EXOC6: variants seen among roughly 807,000 people sequenced by gnomAD.
EXOC6 encodes the protein exocyst complex component 6.
In EXOC6, 60 loss-of-function variants were observed where a neutral mutation model predicts 112.5. The ratio of observed to expected loss-of-function variants is 0.53; its 90% CI spans 0.43 to 0.66. The LOEUF (loss-of-function observed/expected upper bound fraction) is 0.66, where lower values mean the gene tolerates loss of function less well. EXOC6 is among the 30% of genes least tolerant of loss of function. The pLI, the probability that EXOC6 is intolerant of heterozygous loss-of-function variation, is 0.00. For missense variants in EXOC6, 855 were observed against 957.1 expected (o/e 0.89, Z 1.41); for synonymous variants, 295 against 308.0 (o/e 0.96, Z 0.44).
At chr10:92,856,861 A>G (rs1297277747) in intron 1 of EXOC6, among the ~76,000 whole-genome samples, 1 of 152,134 alleles carries the variant, frequency 6.6e-6, no homozygotes, top group African/African-American at 2.4e-5. Flanking sequence ...TTGATTGACC[A>G]TTTGCCGTCA....
intron 20 of EXOC6, among the ~76,000 whole-genome samples, chr10:93,023,448 T>C (rs1222715226): frequency 6.6e-6 from 1 of 152,246 alleles, no homozygotes; most frequent in Non-Finnish European, 1.5e-5. Context: ...TACTTGCTAA[T>C]GGAAGCCAGT....
intron 13 of EXOC6, among the ~76,000 whole-genome samples, chr10:92,942,014 G>A (rs1173821919): frequency 1.3e-5 from 2 of 152,122 alleles, no homozygotes; most frequent in Non-Finnish European, 2.9e-5. Context: ...TAAAATAAAA[G>A]TACGTTAGAT....
At chr10:92,946,137 A>C (rs527919774) in intron 13 of EXOC6, among the ~76,000 whole-genome samples, 63 of 152,110 alleles carry the variant, frequency 4.1e-4, no homozygotes, top group Middle Eastern at 3.4e-3. Context: ...AAAAAAACAA[A>C]AAAAAAAAAT....
chr10:92,919,535 AAAT>A (rs1482163429), intron 7 of EXOC6, among the ~76,000 whole-genome samples: 1 of 152,152 alleles, frequency 6.6e-6, no homozygotes, highest in Non-Finnish European at 1.5e-5. Context: ...GCAGTCTGTA[AAAT>A]AATACTGATA....
At chr10:92,989,146 G>A (rs766408791) in intron 18 of EXOC6, among the ~76,000 whole-genome samples, 5 of 152,028 alleles carry the variant, frequency 3.3e-5, no homozygotes, top group Non-Finnish European at 7.4e-5. Flanking sequence ...ATTCATCTTT[G>A]TATATTCGGT....
chr10:92,881,951 C>A (rs1014147527), intron 1 of EXOC6, among the ~76,000 whole-genome samples: 1 of 152,088 alleles, frequency 6.6e-6, no homozygotes, highest in African/African-American at 2.4e-5. Context: ...TGAGGCCTCC[C>A]AAGACATGTG....
intron 11 of EXOC6, 77 bp downstream of exon 11, chr10:92,934,507 A>C: frequency 2.4e-6 from 3 of 1,227,740 alleles, no homozygotes; most frequent in Non-Finnish European, 3.3e-6. Context: ...ATGTCAGAGG[A>C]AAACTGTACC....
intron 19 of EXOC6, among the ~76,000 whole-genome samples, chr10:93,000,093 C>A (rs1381312862): frequency 1.3e-5 from 2 of 152,142 alleles, no homozygotes; most frequent in Non-Finnish European, 1.5e-5. Flanking sequence ...TTACTATCTG[C>A]AGTTTCAGGC....
chr10:92,950,858 A>G (rs1253126422), intron 14 of EXOC6, among the ~76,000 whole-genome samples: 4 of 152,230 alleles, frequency 2.6e-5, no homozygotes, highest in Non-Finnish European at 5.9e-5. Context: ...GGTGGCAGGG[A>G]GACCACCTAG....
At chr10:92,895,989 G>A (rs1373339140) in intron 4 of EXOC6, among the ~76,000 whole-genome samples, 1 of 139,056 alleles carries the variant, frequency 7.2e-6, no homozygotes, top group East Asian at 2.0e-4. Flanking sequence ...ATGATGAGAT[G>A]TTTTATATTA....
At chr10:92,896,085 A>ATATATATGTG (rs1849751020) in intron 4 of EXOC6, among the ~76,000 whole-genome samples, 2 of 35,488 alleles carry the variant, frequency 5.6e-5, no homozygotes, top group Admixed American at 3.4e-4. Flanking sequence ...ATATATGTGT[A>ATATATATGTG]TATATATATG....
At chr10:92,986,987 G>A (rs182775815) in intron 18 of EXOC6, among the ~76,000 whole-genome samples, 2 of 152,210 alleles carry the variant, frequency 1.3e-5, no homozygotes, top group African/African-American at 4.8e-5. Flanking sequence ...AAATAATTTA[G>A]TGTGCCGTCT....
intron 20 of EXOC6, among the ~76,000 whole-genome samples, chr10:93,015,515 C>G (rs1379448161): frequency 6.6e-6 from 1 of 152,142 alleles, no homozygotes; most frequent in African/African-American, 2.4e-5. Flanking sequence ...GGATGGATCA[C>G]AAGGTCAGGA....
intron 17 of EXOC6, among the ~76,000 whole-genome samples, chr10:92,963,283 G>A (rs1854116851): frequency 6.6e-6 from 1 of 151,984 alleles, no homozygotes; most frequent in Non-Finnish European, 1.5e-5. Flanking sequence ...CTTAAATTTC[G>A]ATCTTCAGCT....
intron 6 of EXOC6, among the ~76,000 whole-genome samples, chr10:92,911,207 G>T (rs61862274): frequency 0.022 from 3,335 of 152,086 alleles, 57 homozygotes; most frequent in African/African-American, 0.041. Context: ...TTTCTAATGC[G>T]TGATTTTTTT....
At chr10:92,873,233 G>T (rs1848533036) in intron 1 of EXOC6, among the ~76,000 whole-genome samples, 1 of 152,104 alleles carries the variant, frequency 6.6e-6, no homozygotes, top group African/African-American at 2.4e-5. Flanking sequence ...ATCTGTGCTG[G>T]CTGATTATGA....
chr10:92,863,492 T>C (rs1226497720), intron 1 of EXOC6, among the ~76,000 whole-genome samples: 2 of 152,158 alleles, frequency 1.3e-5, no homozygotes, highest in Admixed American at 6.5e-5. Context: ...AAAGATGTCT[T>C]GAGGCTGGGT....
intron 18 of EXOC6, chr10:92,987,595 T>C: frequency 1.0e-6 from 1 of 984,570 alleles, no homozygotes. Flanking sequence ...TTGATTGCCT[T>C]GCTGACTTCC....
chr10:93,007,734 A>G (rs762632274), intron 19 of EXOC6, among the ~76,000 whole-genome samples: 2 of 152,314 alleles, frequency 1.3e-5, no homozygotes, highest in African/African-American at 4.8e-5. Flanking sequence ...CCCCGCATAC[A>G]TTATTTTTTG....
Sources: gnomAD v4.1 joint callset for allele counts (sites outside exome capture counted in the v4.1 genomes callset) on GRCh38, gnomAD v4.1.1 for gene constraint, MANE v1.5 for transcripts, NCBI Gene and HGNC (gene_info 2026-07-23, HGNC 2026-07-21) for gene names.